NRG2: variants seen among roughly 807,000 people sequenced by gnomAD.
NRG2 encodes neuregulin 2.
NRG2 carries 27 observed loss-of-function variants against 73.9 expected under a neutral mutation model. That is an observed-to-expected ratio of 0.37 (90% CI 0.27 to 0.50). The LOEUF (loss-of-function observed/expected upper bound fraction) is 0.50, where lower values mean the gene tolerates loss of function less well. Among genes scored for constraint, NRG2 ranks in the 20% least tolerant of loss-of-function variants. NRG2 has a pLI of 0.96. For synonymous variants in NRG2, 532 were observed against 541.0 expected (o/e 0.98, Z 0.23); for missense variants, 1,126 against 1,210.1 (o/e 0.93, Z 1.03).
Position 139,891,629 on chromosome 5 carries a change from T to TAAA in NRG2, c.701-4121_701-4119dup, listed in dbSNP as rs35065387. 1.1e-3 allele frequency among the ~76,000 whole-genome samples: 167 copies of TAAA among 145,832 alleles called. 1 individual carries two copies. The highest frequency in any genetic ancestry group is 4.0e-3 in the African/African-American group (160 of 39,836). On this transcript the variant is annotated intron_variant, in intron 1 of 9. Coordinates refer to ENST00000361474, the MANE Select transcript of NRG2 (RefSeq NM_004883.3). ...ACATCAACAGGAAATATGAGACAGT[T>TAAA]AAAAAAAAAAAGCAGCTGGATAAAG...
intron 1 of NRG2, among the ~76,000 whole-genome samples, chr5:140,029,598 G>T (rs1232113992): frequency 6.6e-6 from 1 of 150,394 alleles, no homozygotes; most frequent in Non-Finnish European, 1.5e-5. Flanking sequence ...TGAGGCAGGA[G>T]AATTGCTTGA....
intron 1 of NRG2, among the ~76,000 whole-genome samples, chr5:139,999,075 G>A (rs1758241892): frequency 6.6e-6 from 1 of 152,094 alleles, no homozygotes; most frequent in South Asian, 2.1e-4. Flanking sequence ...TCAGCCAGTG[G>A]GGGACAGAAG....
At chr5:140,022,084 C>T (rs989246681) in intron 1 of NRG2, among the ~76,000 whole-genome samples, 2 of 152,208 alleles carry the variant, frequency 1.3e-5, no homozygotes, top group African/African-American at 4.8e-5. Flanking sequence ...CTTTATGCTG[C>T]AGCCTAACTA....
chr5:139,964,357 T>TAA (rs543507843), intron 1 of NRG2, among the ~76,000 whole-genome samples: 1 of 142,738 alleles, frequency 7.0e-6, no homozygotes, highest in African/African-American at 2.6e-5. Flanking sequence ...GAAATACAGA[T>TAA]ACACACACAC....
In NRG2 at chr5:140,043,254, C is replaced by G. The variant is rs561481963; in HGVS notation, c.-185G>C. 2.0e-5 allele frequency: 12 copies of G among 602,336 alleles called. No homozygotes were observed. In the East Asian group the frequency reaches 3.8e-4, roughly 19 times the overall value. 37.3% of individuals were successfully genotyped at this position (602,336 alleles called of 1,614,324 possible). A position where few individuals can be genotyped will look rare whatever the true frequency, so the allele number is the denominator to read the frequency against. On this transcript the variant is annotated 5_prime_UTR_variant, in exon 1 of 10. Coordinates refer to ENST00000361474, the MANE Select transcript of NRG2 (RefSeq NM_004883.3). The surrounding 1 kb of genome is among the most constrained non-coding windows in gnomAD (Gnocchi z 6.7). ...AAGCGGGCCGCGATGCGCAGCGCGG[C>G]GCAGCGCAGCGCTCCCACCCTGTGC... is the stretch of plus-strand genomic sequence containing the variant.
chr5:140,004,726 A>G (rs1758756695), intron 1 of NRG2, among the ~76,000 whole-genome samples: 1 of 152,242 alleles, frequency 6.6e-6, no homozygotes, highest in African/African-American at 2.4e-5. Flanking sequence ...AATAATGACT[A>G]TATGCAACGT....
intron 1 of NRG2, among the ~76,000 whole-genome samples, chr5:140,020,054 G>T (rs771472108): frequency 3.3e-5 from 5 of 152,070 alleles, no homozygotes; most frequent in Non-Finnish European, 2.9e-5. Context: ...TGCCCAGCTG[G>T]GATTTATATT....
chr5:139,884,875 C>T (rs566533965), intron 2 of NRG2, among the ~76,000 whole-genome samples: 4 of 152,006 alleles, frequency 2.6e-5, no homozygotes, highest in East Asian at 1.9e-4. Flanking sequence ...GAGGAAGGCT[C>T]GAGGCAGGGA....
At chr5:139,934,458 G>T (rs1752698945) in intron 1 of NRG2, among the ~76,000 whole-genome samples, 1 of 152,082 alleles carries the variant, frequency 6.6e-6, no homozygotes, top group Non-Finnish European at 1.5e-5. Context: ...GAACATGTAT[G>T]CCATAGGTCC....
Position 139,904,500 on chromosome 5 carries a change from A to G in NRG2, c.701-16989T>C. ...TGCCCGAGCGCGGCGCCTTTCTTAT[A>G]GGCGGTCACACCCTCCGGGGGAGGG... On this transcript the variant is annotated intron_variant, in intron 1 of 9. Coordinates refer to ENST00000361474, the MANE Select transcript of NRG2 (RefSeq NM_004883.3). The surrounding 1 kb of genome is among the most constrained non-coding windows in gnomAD (Gnocchi z 6.0). 1.6e-6 allele frequency: 1 copy of G among 613,196 alleles called. No homozygotes were observed. Among genetic ancestry groups the G allele is most frequent in the Non-Finnish European group, 2.8e-6 (1 of 362,596 alleles). 38.0% of individuals were successfully genotyped at this position (613,196 alleles called of 1,614,324 possible).
intron 1 of NRG2, among the ~76,000 whole-genome samples, chr5:139,972,451 A>G (rs264337): frequency 0.33 from 50,195 of 152,138 alleles, 8,886 homozygotes; most frequent in African/African-American, 0.46. Flanking sequence ...TAAACTGGGC[A>G]CGGTGGCTCA....
At chr5:140,031,908 C>T (rs1761185734) in intron 1 of NRG2, among the ~76,000 whole-genome samples, 1 of 152,004 alleles carries the variant, frequency 6.6e-6, no homozygotes, top group African/African-American at 2.4e-5. Flanking sequence ...TTCAGCCAAG[C>T]AGACATGGCA....
intron 1 of NRG2, among the ~76,000 whole-genome samples, chr5:139,993,678 A>T (rs1757811361): frequency 6.6e-6 from 1 of 152,200 alleles, no homozygotes; most frequent in Admixed American, 6.5e-5. Context: ...TTTATTTGTA[A>T]TCCCTAAATT....
chr5:139,901,824 C>G (rs1764909674), intron 1 of NRG2, among the ~76,000 whole-genome samples: 1 of 152,190 alleles, frequency 6.6e-6, no homozygotes, highest in Non-Finnish European at 1.5e-5. Flanking sequence ...ACAGAAAAGG[C>G]TGGTAACTTA....
intron 1 of NRG2, among the ~76,000 whole-genome samples, chr5:139,966,577 G>T (rs1398528804): frequency 6.6e-6 from 1 of 152,118 alleles, no homozygotes; most frequent in African/African-American, 2.4e-5. Context: ...AAAGACTGGA[G>T]GAGGAAAGAG....
intron 1 of NRG2, among the ~76,000 whole-genome samples, chr5:139,987,603 C>T (rs116726938): frequency 0.019 from 2,866 of 152,100 alleles, 95 homozygotes; most frequent in African/African-American, 0.065. Context: ...TGAGACTGTC[C>T]CTGAATACAG....
rs567758494 is a variant in NRG2 at position 139,870,757 on chromosome 5, G to A, written c.1112+964C>T. ...CCTAGATCTGTCTGGAGCCTATGCT[G>A]CCCTCACCAAGCTCCCCTCCCCTCC... On this transcript the variant is annotated intron_variant, in intron 4 of 9. Transcript: ENST00000361474. This position sits in a 1 kb window ranked among gnomAD's most constrained non-coding sequence, Gnocchi z 4.4. 6.6e-6 allele frequency among the ~76,000 whole-genome samples: 1 copy of A among 152,244 alleles called. No individual in the cohort carries two copies. Among genetic ancestry groups the A allele is most frequent in the Admixed American group, 6.5e-5 (1 of 15,306 alleles).
At chr5:139,976,781 G>C (rs1319043148) in intron 1 of NRG2, among the ~76,000 whole-genome samples, 1 of 152,230 alleles carries the variant, frequency 6.6e-6, no homozygotes. Context: ...CCAGCTGTTA[G>C]GTTATTACTT....
At chr5:139,849,182 A>C (rs566021616) in intron 9 of NRG2, among the ~76,000 whole-genome samples, 1 of 152,290 alleles carries the variant, frequency 6.6e-6, no homozygotes, top group Non-Finnish European at 1.5e-5. Context: ...TAACACTCAG[A>C]ACGTTTAAGT....
Sources: gnomAD v4.1 joint callset for allele counts (sites outside exome capture counted in the v4.1 genomes callset) on GRCh38, gnomAD v4.1.1 for gene constraint, Gnocchi (gnomAD v3.1) non-coding constraint, MANE v1.5 for transcripts, NCBI Gene and HGNC (gene_info 2026-07-23, HGNC 2026-07-21) for gene names.